NPHP4: variants seen among roughly 807,000 people sequenced by gnomAD.
The protein encoded by NPHP4 is nephrocystin-4.
A neutral mutation model predicts 155.8 loss-of-function variants in NPHP4; 151 were observed. The observed-to-expected ratio is 0.97, with a 90% CI of 0.85 to 1.11. The LOEUF (loss-of-function observed/expected upper bound fraction) is 1.11, where lower values mean the gene tolerates loss of function less well. NPHP4 is among the 50% of genes least tolerant of loss of function. The pLI, the probability that NPHP4 is intolerant of heterozygous loss-of-function variation, is 0.00. For synonymous variants in NPHP4, 845 were observed against 816.8 expected (o/e 1.03, Z -0.59); for missense variants, 1,956 against 1,925.7 (o/e 1.02, Z -0.29).
chr1:5,946,035 T>C (rs1647077013), intron 9 of NPHP4, among the ~76,000 whole-genome samples: 2 of 152,208 alleles, frequency 1.3e-5, no homozygotes, highest in African/African-American at 2.4e-5. Context: ...AATTGTTCTA[T>C]TTTATTGTTA....
At chr1:5,931,095 TTTTC>T (rs1646248281) in intron 10 of NPHP4, among the ~76,000 whole-genome samples, 1 of 152,188 alleles carries the variant, frequency 6.6e-6, no homozygotes, top group Admixed American at 6.5e-5. Context: ...CCCACTCCAG[TTTTC>T]TTTTAGTGTT....
chr1:5,914,709 T>G (rs1645372928), intron 11 of NPHP4, among the ~76,000 whole-genome samples: 1 of 152,076 alleles, frequency 6.6e-6, no homozygotes, highest in African/African-American at 2.4e-5. Context: ...CAGAAAGAAA[T>G]GAAGATAAGG....
In NPHP4 at chr1:5,895,760, T is replaced by C. The variant is rs753096692; in HGVS notation, c.2144-4732A>G. Among the ~76,000 whole-genome samples, 120 of 152,288 alleles carry C rather than the reference T, an allele frequency of 7.9e-4. 2 individuals carry two copies. Among genetic ancestry groups the C allele is most frequent in the Non-Finnish European group, 1.6e-3 (106 of 68,022 alleles). ...GAACCAAGGTTACTAATTGCTGAGA[T>C]AGCGAAATACTAGAAATGACACAAA... is the stretch of plus-strand genomic sequence containing the variant. On this transcript the variant is annotated intron_variant, in intron 16 of 29. Transcript: ENST00000378156.
chr1:5,940,167 T>TG (rs1457775100), intron 9 of NPHP4, among the ~76,000 whole-genome samples: 20 of 152,024 alleles, frequency 1.3e-4, no homozygotes, highest in African/African-American at 4.6e-4. Flanking sequence ...GGCTGGGAGG[T>TG]GGAGCCTCAT....
Position 5,874,868 on chromosome 1 carries a change from C to G in NPHP4, c.3044+6G>C. The G allele has an allele frequency of 6.2e-7, 1 of 1,612,628 alleles. No individual in the cohort carries two copies. The highest frequency in any genetic ancestry group is 8.5e-7 in the Non-Finnish European group (1 of 1,178,854). On this transcript the variant is annotated splice_donor_region_variant and intron_variant, in intron 21 of 29. Coordinates refer to ENST00000378156, the MANE Select transcript of NPHP4 (RefSeq NM_015102.5). ...TGGGGCAGGACGGGCACCACTGAGACCTCACCTGAGCTCGGGGTTGTCGAT... is the reference window on the plus strand; with the variant it reads ...TGGGGCAGGACGGGCACCACTGAGAGCTCACCTGAGCTCGGGGTTGTCGAT...
intron 7 of NPHP4, among the ~76,000 whole-genome samples, chr1:5,949,370 A>AC (rs55949618): frequency 4.9e-4 from 73 of 149,248 alleles, no homozygotes; most frequent in African/African-American, 1.3e-3. Flanking sequence ...ACACACACAC[A>AC]ACTTGCTAAC....
chr1:5,891,852 C>T (rs1644144386), intron 16 of NPHP4, among the ~76,000 whole-genome samples: 1 of 152,252 alleles, frequency 6.6e-6, no homozygotes, highest in Non-Finnish European at 1.5e-5. Flanking sequence ...GCTCCAGCCC[C>T]ACAGGATGAC....
intron 16 of NPHP4, among the ~76,000 whole-genome samples, chr1:5,902,981 A>C (rs1644749597): frequency 6.6e-6 from 1 of 152,254 alleles, no homozygotes; most frequent in Non-Finnish European, 1.5e-5. Flanking sequence ...CGATTCTCTC[A>C]GTATAGGGTG....
chr1:5,893,734 G>C (rs1644256643), intron 16 of NPHP4, among the ~76,000 whole-genome samples: 1 of 152,228 alleles, frequency 6.6e-6, no homozygotes. Flanking sequence ...CCCGGGGAAA[G>C]AGAGACTCCC....
rs994648684 is a variant in NPHP4 at position 5,890,976 on chromosome 1, T to C, written c.2196A>G (p.Pro732=). 2 of 1,588,244 alleles carry C rather than the reference T, an allele frequency of 1.3e-6. No homozygotes were observed. Among genetic ancestry groups the C allele is most frequent in the Non-Finnish European group, 1.7e-6 (2 of 1,160,262 alleles). The change falls in exon 17 of 30, where the codon CCA becomes CCG. Residue 732 remains proline (P), a synonymous_variant. Transcript: ENST00000378156. This position sits in a 1 kb window ranked among gnomAD's most constrained non-coding sequence, Gnocchi z 4.9. ...AGCGGGCAAAGCAGCGCCGCTCACC[T>C]GGCTTCAGGAACCCAGGGCCCACCA... ...RYMVGPGFLK[P]GERRCFARYL...
At chr1:5,893,795 C>T (rs954073404) in intron 16 of NPHP4, among the ~76,000 whole-genome samples, 1 of 152,184 alleles carries the variant, frequency 6.6e-6, no homozygotes, top group African/African-American at 2.4e-5. Context: ...TTTTCGCTAC[C>T]GCTAGACCAT....
chr1:5,873,923 T>C (rs1642273411), intron 22 of NPHP4: 2 of 210,488 alleles, frequency 9.5e-6, no homozygotes, highest in South Asian at 6.9e-5. Context: ...CCTGCACGCG[T>C]GCCTCACACA....
At position 5,992,345 on chromosome 1, in the gene NPHP4, A is replaced by C. The variant is rs1395128079; in HGVS notation, c.-140T>G. 1 of 152,014 alleles carries C rather than the reference A, an allele frequency of 6.6e-6. No homozygotes were observed. Among genetic ancestry groups the C allele is most frequent in the Non-Finnish European group, 1.5e-5 (1 of 67,984 alleles). 9.4% of individuals were successfully genotyped at this position (152,014 alleles called of 1,614,324 possible). On this transcript the variant is annotated 5_prime_UTR_variant, in exon 1 of 30. Coordinates refer to ENST00000378156, the MANE Select transcript of NPHP4 (RefSeq NM_015102.5). ...CCAGAGGCCCGGCGGCCGGTGCTCA[A>C]CGGAGCCACAAGCCTGAGGACCGAG...
chr1:5,975,851 C>T (rs76300087), intron 3 of NPHP4, among the ~76,000 whole-genome samples: 1 of 152,206 alleles, frequency 6.6e-6, no homozygotes, highest in Non-Finnish European at 1.5e-5. Flanking sequence ...TTCCAAAGAT[C>T]GTCCTACCAT....
chr1:5,873,769 G>T, intron 22 of NPHP4: 1 of 283,058 alleles, frequency 3.5e-6, no homozygotes, highest in Non-Finnish European at 6.8e-6. Flanking sequence ...CACACCCCCT[G>T]CAGGCACACC....
Position 5,907,173 on chromosome 1 carries a change from C to G in NPHP4, c.1553G>C (p.Cys518Ser). The G allele has an allele frequency of 6.3e-7, 1 of 1,590,402 alleles. No individual in the cohort carries two copies. The highest frequency in any genetic ancestry group is 8.6e-7 in the Non-Finnish European group (1 of 1,167,958). ...TAGCTGTGAAGTAGGCCTGGCCAAGCAGTGCTGAGTCGGGGACCGCGGGGA... is the reference window on the plus strand; with the variant it reads ...TAGCTGTGAAGTAGGCCTGGCCAAGGAGTGCTGAGTCGGGGACCGCGGGGA... ...AASPRSPTQHCLARPTSQLPH... is the reference protein window; with the variant it reads ...AASPRSPTQHSLARPTSQLPH... The change falls in exon 13 of 30, where the codon TGC (cysteine) becomes TCC (serine). Residue 518 changes from cysteine to serine, a missense_variant. Coordinates refer to ENST00000378156, the MANE Select transcript of NPHP4 (RefSeq NM_015102.5).
chr1:5,905,100 G>T lies in NPHP4; in HGVS notation c.1955+192C>A, dbSNP rs193031055. 2.6e-4 allele frequency among the ~76,000 whole-genome samples: 39 copies of T among 152,296 alleles called. No homozygotes were observed. The highest frequency in any genetic ancestry group is 7.0e-4 in the African/African-American group (29 of 41,554). On this transcript the variant is annotated intron_variant, in intron 15 of 29. Transcript: ENST00000378156. This position sits in a 1 kb window ranked among gnomAD's most constrained non-coding sequence, Gnocchi z 4.0. ...TTAATGAAGGACCACAAAAGATGGGGTAAAGCAGCTTTCACAGCATTTAGC... is the reference window on the plus strand; with the variant it reads ...TTAATGAAGGACCACAAAAGATGGGTTAAAGCAGCTTTCACAGCATTTAGC...
At chr1:5,967,557 C>G (rs1651762799) in intron 4 of NPHP4, among the ~76,000 whole-genome samples, 194 bp from the exon 5 acceptor site, 2 of 152,240 alleles carry the variant, frequency 1.3e-5, no homozygotes, top group South Asian at 4.1e-4. Flanking sequence ...CCAAGCATGT[C>G]TGGCACACAC....
chr1:5,992,061 G>A (rs1183567432), intron 1 of NPHP4, among the ~76,000 whole-genome samples, 183 bp downstream of exon 1: 2 of 150,866 alleles, frequency 1.3e-5, no homozygotes, highest in African/African-American at 2.5e-5. Context: ...CGCGGGGACA[G>A]CCCCCGCCGC....
Sources: gnomAD v4.1 joint callset for allele counts (sites outside exome capture counted in the v4.1 genomes callset) on GRCh38, gnomAD v4.1.1 for gene constraint, Gnocchi (gnomAD v3.1) non-coding constraint, MANE v1.5 for transcripts, NCBI Gene and HGNC (gene_info 2026-07-23, HGNC 2026-07-21) for gene names.